Variants in LRMDA observed in about 807,000 individuals in gnomAD.
LRMDA encodes leucine rich melanocyte differentiation associated.
A neutral mutation model predicts 29.8 loss-of-function variants in LRMDA; 18 were observed. The observed-to-expected ratio is 0.60, with a 90% confidence interval of 0.42 to 0.90. LRMDA has a LOEUF of 0.90. Among genes scored for constraint, LRMDA ranks in the 40% least tolerant of loss-of-function variants. LRMDA has a pLI of 0.00. For missense variants in LRMDA, 273 were observed against 273.9 expected, an observed-to-expected ratio of 1.00 and a Z score of 0.02; for synonymous variants, 125 against 109.4, an observed-to-expected ratio of 1.14 and a Z score of -0.89.
chr10:75,674,247 GT>G (rs534575933), intron 2 of LRMDA, among the ~76,000 whole-genome samples: 1 of 152,266 alleles, frequency 6.6e-6, no homozygotes, highest in Non-Finnish European at 1.5e-5. Flanking sequence ...GGTGTCTTTA[GT>G]TCTGGGGAGA....
At chr10:75,591,190 C>T (rs1840720653) in intron 2 of LRMDA, among the ~76,000 whole-genome samples, 2 of 152,308 alleles carry the variant, frequency 1.3e-5, no homozygotes, top group African/African-American at 4.8e-5. Context: ...GAGACATCAT[C>T]TCTACAAAAC....
At chr10:76,055,856 C>T (rs1848606224) in intron 4 of LRMDA, among the ~76,000 whole-genome samples, 1 of 152,218 alleles carries the variant, frequency 6.6e-6, no homozygotes, top group Admixed American at 6.5e-5. Context: ...AAGAGGGTGT[C>T]ACAGCCTTTG....
intron 6 of LRMDA, among the ~76,000 whole-genome samples, chr10:76,544,339 A>G (rs1843394024): frequency 6.6e-6 from 1 of 152,210 alleles, no homozygotes; most frequent in South Asian, 2.1e-4. Context: ...GACAAATTCA[A>G]GCCAGCCAAA....
intron 2 of LRMDA, among the ~76,000 whole-genome samples, chr10:75,895,337 A>G (rs1845563670): frequency 6.6e-6 from 1 of 152,204 alleles, no homozygotes; most frequent in Admixed American, 6.5e-5. Context: ...AACAAAAGTG[A>G]ATATTGATTG....
chr10:76,513,529 G>T (rs532170635), intron 6 of LRMDA, among the ~76,000 whole-genome samples: 5 of 152,140 alleles, frequency 3.3e-5, no homozygotes, highest in Admixed American at 6.5e-5. Flanking sequence ...TCATCAAGCT[G>T]AGGGACCTCT....
At chr10:75,844,544 G>C (rs1334168877) in intron 2 of LRMDA, among the ~76,000 whole-genome samples, 1 of 152,150 alleles carries the variant, frequency 6.6e-6, no homozygotes, top group Non-Finnish European at 1.5e-5. Context: ...TGGCTCCCCC[G>C]TGATGACTCC....
At chr10:76,234,061 A>G (rs1453955172) in intron 5 of LRMDA, among the ~76,000 whole-genome samples, 1 of 152,202 alleles carries the variant, frequency 6.6e-6, no homozygotes, top group Non-Finnish European at 1.5e-5. Flanking sequence ...AGGAATCACT[A>G]TCTATGGCAG....
chr10:76,181,549 G>A (rs954413938), intron 5 of LRMDA, among the ~76,000 whole-genome samples: 2 of 152,178 alleles, frequency 1.3e-5, no homozygotes, highest in Non-Finnish European at 2.9e-5. Flanking sequence ...ACTATGAAAT[G>A]CCTACCCTTG....
chr10:75,742,059 C>A (rs758840993), intron 2 of LRMDA, among the ~76,000 whole-genome samples: 1 of 152,174 alleles, frequency 6.6e-6, no homozygotes, highest in African/African-American at 2.4e-5. Flanking sequence ...TGCAGAACCA[C>A]GAAAAATACG....
intron 2 of LRMDA, among the ~76,000 whole-genome samples, chr10:75,983,789 G>C (rs1847215174): frequency 6.6e-6 from 1 of 152,074 alleles, no homozygotes; most frequent in Non-Finnish European, 1.5e-5. Flanking sequence ...TCAGTAGGTG[G>C]GATTACAGGC....
chr10:75,578,780 T>C (rs1028799139), intron 2 of LRMDA, among the ~76,000 whole-genome samples: 1 of 150,182 alleles, frequency 6.7e-6, no homozygotes, highest in African/African-American at 2.4e-5. Context: ...TGCCTGCTCC[T>C]GAATGACTAC....
At chr10:75,668,401 C>A (rs924984568) in intron 2 of LRMDA, among the ~76,000 whole-genome samples, 1 of 152,152 alleles carries the variant, frequency 6.6e-6, no homozygotes, top group Non-Finnish European at 1.5e-5. Flanking sequence ...ATGCTCAAGG[C>A]CTGCCATGAG....
chr10:76,446,757 C>A (rs769315582), intron 6 of LRMDA, among the ~76,000 whole-genome samples: 1 of 152,254 alleles, frequency 6.6e-6, no homozygotes, highest in South Asian at 2.1e-4. Flanking sequence ...TGCCACGTTG[C>A]GTGGAAAACT....
At chr10:75,767,176 G>T (rs942704302) in intron 2 of LRMDA, among the ~76,000 whole-genome samples, 7 of 152,132 alleles carry the variant, frequency 4.6e-5, no homozygotes, top group African/African-American at 1.7e-4. Flanking sequence ...GGATTGCTGG[G>T]TCAAATTGTA....
chr10:76,007,751 G>A (rs1187338593), intron 2 of LRMDA, among the ~76,000 whole-genome samples: 1 of 152,180 alleles, frequency 6.6e-6, no homozygotes, highest in East Asian at 1.9e-4. Flanking sequence ...TGGTGTGTGA[G>A]CCTGAGATGC....
intron 5 of LRMDA, chr10:76,270,345 G>C (rs1840052024): frequency 6.6e-6 from 1 of 152,202 alleles, no homozygotes; most frequent in African/African-American, 2.4e-5. Context: ...AGATGGCTGG[G>C]AGCTGGTGTA....
At chr10:75,602,745 T>C (rs2132092483) in intron 2 of LRMDA, among the ~76,000 whole-genome samples, 1 of 152,342 alleles carries the variant, frequency 6.6e-6, no homozygotes, top group African/African-American at 2.4e-5. Context: ...TGGAAATTTT[T>C]GAAGTGTTGG....
At chr10:76,449,150 G>A (rs916762540) in intron 6 of LRMDA, among the ~76,000 whole-genome samples, 5 of 151,374 alleles carry the variant, frequency 3.3e-5, no homozygotes, top group East Asian at 1.9e-4. Context: ...CTTTTTGAAG[G>A]GTATAAGGAA....
At chr10:76,372,761 C>T (rs555796382) in intron 6 of LRMDA, among the ~76,000 whole-genome samples, 5 of 152,252 alleles carry the variant, frequency 3.3e-5, no homozygotes, top group African/African-American at 9.6e-5. Context: ...TCTTAGACAT[C>T]TCCTTTGCAG....
Sources: allele counts gnomAD v4.1 joint callset (sites outside exome capture counted in the v4.1 genomes callset), GRCh38; gene constraint gnomAD v4.1.1; transcripts MANE v1.5; gene names NCBI Gene and HGNC (gene_info 2026-07-23, HGNC 2026-07-21).